The following CLEC1A variants were observed in gnomAD, a reference collection of about 807,000 sequenced individuals.
CLEC1A encodes the protein C-type lectin-like receptor-1.
In CLEC1A, 34 loss-of-function variants were observed where a neutral mutation model predicts 28.7. The ratio of observed to expected loss-of-function variants is 1.18; its 90% CI spans 0.90 to 1.57. CLEC1A has a LOEUF of 1.57. Among genes scored for constraint, CLEC1A ranks in the 40% most tolerant of loss-of-function variants. CLEC1A has a pLI of 0.00. For missense variants in CLEC1A, 385 were observed against 339.5 expected (o/e 1.13, Z -1.05); for synonymous variants, 116 against 121.0 (o/e 0.96, Z 0.27).
intron 1 of CLEC1A, among the ~76,000 whole-genome samples, chr12:10,090,196 C>T (rs1007929392): frequency 1.3e-5 from 2 of 152,188 alleles, no homozygotes; most frequent in African/African-American, 4.8e-5. Context: ...CGTTCTGAAA[C>T]AGAAAGATTA....
chr12:10,071,264 A>G lies in CLEC1A; in HGVS notation c.*69T>C. The G allele has an allele frequency of 1.4e-6, 2 of 1,408,522 alleles. No individual in the cohort carries two copies. Among genetic ancestry groups the G allele is most frequent in the Admixed American group, 4.0e-5 (2 of 50,484 alleles). 87.3% of individuals were successfully genotyped at this position (1,408,522 alleles called of 1,614,324 possible). ...CTTTCCTGATTATGTTCCATTTCCC[A>G]ATGTCTCAACTAGCCCTTGCTTTGG... On this transcript the variant is annotated 3_prime_UTR_variant, in exon 6 of 6. Transcript: ENST00000315330.
intron 1 of CLEC1A, among the ~76,000 whole-genome samples, chr12:10,089,433 GC>G (rs1454719770): frequency 2.6e-5 from 4 of 151,920 alleles, no homozygotes; most frequent in Non-Finnish European, 5.9e-5. Flanking sequence ...TTTCTCACAA[GC>G]CCCACCCGTT....
At chr12:10,082,631 CA>C (rs1866395789) in intron 2 of CLEC1A, among the ~76,000 whole-genome samples, 1 of 152,130 alleles carries the variant, frequency 6.6e-6, no homozygotes, top group African/African-American at 2.4e-5. Context: ...CCCCACCCAT[CA>C]CCTGAGAAAC....
chr12:10,084,898 C>T (rs1335856317), intron 2 of CLEC1A, among the ~76,000 whole-genome samples: 1 of 150,662 alleles, frequency 6.6e-6, no homozygotes, highest in Non-Finnish European at 1.5e-5. Context: ...GAACACTTAC[C>T]AGATTAATAG....
Position 10,089,201 on chromosome 12 carries a change from G to A in CLEC1A, c.137C>T (p.Thr46Met), listed in dbSNP as rs747354386. The change falls in exon 2 of 6, where the codon ACG becomes ATG. Residue 46 changes from threonine to methionine, a missense_variant. Thr to Met is a moderately conservative substitution (Grantham distance 81). Coordinates refer to ENST00000315330, the MANE Select transcript of CLEC1A (RefSeq NM_016511.4). ...CAGGGTCAGGGCCACTGGTCGCCAC[G>A]TTGAAGAGGGAGCCCTGTGCTCTGC... ...RRTEHRAPSS[T>M]WRPVALTLLT... 7.4e-6 allele frequency: 12 copies of A among 1,613,844 alleles called. No homozygotes were observed. The highest frequency in any genetic ancestry group is 6.7e-5 in the East Asian group (3 of 44,884).
chr12:10,082,323 A>G (rs1250984732), intron 2 of CLEC1A, among the ~76,000 whole-genome samples: 3 of 152,138 alleles, frequency 2.0e-5, no homozygotes, highest in Non-Finnish European at 4.4e-5. Flanking sequence ...CTGCCAGGAT[A>G]TAAACTTCGT....
chr12:10,072,450 C>T (rs1866154513), intron 5 of CLEC1A, among the ~76,000 whole-genome samples: 1 of 152,164 alleles, frequency 6.6e-6, no homozygotes, highest in Non-Finnish European at 1.5e-5. Flanking sequence ...TTTTATATTA[C>T]CCCTTACATT....
chr12:10,089,211 G>A lies in CLEC1A; in HGVS notation c.127C>T (p.Pro43Ser). 6.2e-7 allele frequency: 1 copy of A among 1,613,906 alleles called. No homozygotes were observed. The highest frequency in any genetic ancestry group is 8.5e-7 in the Non-Finnish European group (1 of 1,179,830). The change falls in exon 2 of 6, where the codon CCC (proline) becomes TCC (serine). Residue 43 changes from proline to serine, a missense_variant. Physicochemically the swap from Pro to Ser is moderately conservative, Grantham distance 74 (BLOSUM62 -1). Coordinates refer to ENST00000315330, the MANE Select transcript of CLEC1A (RefSeq NM_016511.4). The part of the protein sequence containing the change: ...PEPRRTEHRA[P>S]SSTWRPVALT... Reference sequence around the variant, plus strand: ...GCCACTGGTCGCCACGTTGAAGAGGGAGCCCTGTGCTCTGCAGGGAACAGA... The same window carrying A: ...GCCACTGGTCGCCACGTTGAAGAGGAAGCCCTGTGCTCTGCAGGGAACAGA...
intron 5 of CLEC1A, 132 bp downstream of exon 5, chr12:10,073,161 C>A: frequency 1.5e-6 from 1 of 663,722 alleles, no homozygotes; most frequent in Non-Finnish European, 2.7e-6. Flanking sequence ...TTCAGGCATC[C>A]TCCTGCAAAC....
rs534520116 is a variant in CLEC1A at position 10,086,972 on chromosome 12, G to A, written c.214+2152C>T. Among the ~76,000 whole-genome samples the A allele has an allele frequency of 4.6e-5, 7 of 152,072 alleles. No individual in the cohort carries two copies. In the South Asian group the frequency reaches 1.0e-3, roughly 23 times the overall value. ...TGCAATCTCAGGACTTTGGAAGACC[G>A]AGGCAGGTGGATCACCTGAGGTCGG... On this transcript the variant is annotated intron_variant, in intron 2 of 5. Coordinates refer to ENST00000315330, the MANE Select transcript of CLEC1A (RefSeq NM_016511.4).
In CLEC1A at chr12:10,081,335, T is replaced by G. The variant is rs1384862466; in HGVS notation, c.293A>C (p.Gln98Pro). 2 of 1,613,586 alleles carry G rather than the reference T, an allele frequency of 1.2e-6. No homozygotes were observed. Among genetic ancestry groups the G allele is most frequent in the South Asian group, 2.2e-5 (2 of 90,972 alleles). ...CTGGACTTGAAGAGATTGCAACTCTTGGGACGTATTTCCTAATCTTTCTTC... is the reference window on the plus strand; with the variant it reads ...CTGGACTTGAAGAGATTGCAACTCTGGGGACGTATTTCCTAATCTTTCTTC... ...QMEERLGNTS[Q>P]ELQSLQVQNI... The change falls in exon 3 of 6, where the codon CAA becomes CCA. Residue 98 changes from glutamine to proline, a missense_variant. Transcript: ENST00000315330.
At chr12:10,082,165 G>C (rs1866386631) in intron 2 of CLEC1A, among the ~76,000 whole-genome samples, 1 of 152,154 alleles carries the variant, frequency 6.6e-6, no homozygotes, top group South Asian at 2.1e-4. Flanking sequence ...GCAGAATCCA[G>C]GGGGCAAAGA....
rs1233980138 is a variant in CLEC1A at position 10,090,417 on chromosome 12, A to AT, written c.116-1196dup. 2.6e-5 allele frequency among the ~76,000 whole-genome samples: 4 copies of AT among 151,396 alleles called. 1 individual carries two copies. The highest frequency in any genetic ancestry group is 4.2e-4 in the South Asian group (2 of 4,788). ...AGGCACGTGCCACCACGCCTGGCTA[A>AT]TTTTTTTTTCCTATATTTTTGTTGG... On this transcript the variant is annotated intron_variant, in intron 1 of 5. Transcript: ENST00000315330.
Position 10,081,256 on chromosome 12 carries a change from C to CAGACAG in CLEC1A, c.371_372insCTGTCT (p.Glu124delinsAspCysLeu). On this transcript the variant is annotated protein_altering_variant, in exon 3 of 6. Coordinates refer to ENST00000315330, the MANE Select transcript of CLEC1A (RefSeq NM_016511.4). ...ACTTACCTCCAGCTTTGTTATACAG[C>CAGACAG]TCACGACAGAGTTTTTCAGCCACAT... 1.2e-6 allele frequency: 2 copies of CAGACAG among 1,606,550 alleles called. No homozygotes were observed. The highest frequency in any genetic ancestry group is 1.7e-6 in the Non-Finnish European group (2 of 1,176,092).
chr12:10,084,037 T>C (rs1452369370), intron 2 of CLEC1A: 1 of 151,894 alleles, frequency 6.6e-6, no homozygotes, highest in Non-Finnish European at 1.5e-5. Context: ...CCAAGTAAGT[T>C]GGAGTTATAG....
At chr12:10,095,030 TTAC>T (rs1484823045) in intron 1 of CLEC1A, among the ~76,000 whole-genome samples, 1 of 152,172 alleles carries the variant, frequency 6.6e-6, no homozygotes, top group African/African-American at 2.4e-5. Flanking sequence ...TAAATGACAT[TTAC>T]TACAACTATT....
At chr12:10,075,723 A>G (rs1866238528) in intron 3 of CLEC1A, 68 bp from the exon 4 acceptor site, 3 of 1,355,510 alleles carry the variant, frequency 2.2e-6, no homozygotes, top group Non-Finnish European at 2.1e-6. Flanking sequence ...TTGAAATTAT[A>G]TAGTATTTGA....
chr12:10,078,267 C>T (rs1866295705), intron 3 of CLEC1A, among the ~76,000 whole-genome samples: 1 of 152,176 alleles, frequency 6.6e-6, no homozygotes, highest in Admixed American at 6.5e-5. Flanking sequence ...CCAAATCTCT[C>T]ACAAAGGCAC....
chr12:10,071,780 C>T (rs940056563), intron 5 of CLEC1A, among the ~76,000 whole-genome samples: 1 of 152,160 alleles, frequency 6.6e-6, no homozygotes, highest in Non-Finnish European at 1.5e-5. Flanking sequence ...GTTTCTGCCA[C>T]TTAAAAAGTT....
Sources: gnomAD v4.1 joint callset for allele counts (sites outside exome capture counted in the v4.1 genomes callset) on GRCh38, gnomAD v4.1.1 for gene constraint, MANE v1.5 for transcripts, NCBI Gene and HGNC (gene_info 2026-07-23, HGNC 2026-07-21) for gene names.